WRN: variants seen among roughly 807,000 people sequenced by gnomAD.
WRN encodes WRN RecQ like helicase.
WRN carries 149 observed loss-of-function variants against 180.7 expected under a neutral mutation model. The ratio of observed to expected loss-of-function variants is 0.82; its 90% CI spans 0.72 to 0.94. The LOEUF (loss-of-function observed/expected upper bound fraction) is 0.94. Ranked by LOEUF, WRN falls within the 40% of genes least tolerant of loss-of-function variation. The pLI is 0.00. For missense variants in WRN, 1,661 were observed against 1,700.1 expected (o/e 0.98, Z 0.40); for synonymous variants, 548 against 568.9 (o/e 0.96, Z 0.52).
At chr8:31,124,455 G>C (rs3087417) in intron 21 of WRN, 67 bp from the exon 22 acceptor site, 3 of 1,188,382 alleles carry the variant, frequency 2.5e-6, no homozygotes, top group East Asian at 5.0e-5. Context: ...TAAAAAATAA[G>C]TAAAAAAAAA....
chr8:31,131,283 G>C (rs954765618), intron 23 of WRN, among the ~76,000 whole-genome samples: 1 of 151,620 alleles, frequency 6.6e-6, no homozygotes, highest in Non-Finnish European at 1.5e-5. Context: ...AGCCTTCTGA[G>C]TAGCTGGGAT....
At chr8:31,043,602 T>C (rs1429612048) in intron 1 of WRN, among the ~76,000 whole-genome samples, 6 of 152,220 alleles carry the variant, frequency 3.9e-5, no homozygotes, top group South Asian at 4.1e-4. Context: ...TTGACTTTAC[T>C]AAAACCATGA....
chr8:31,097,560 TTTTGTACTTAAA>T (rs1239710585), intron 17 of WRN, among the ~76,000 whole-genome samples: 2 of 152,206 alleles, frequency 1.3e-5, no homozygotes, highest in Non-Finnish European at 2.9e-5. Context: ...ATAGCACTTT[TTTTGTACTTAAA>T]AATATTTTAA....
chr8:31,053,932 GTTTC>G (rs1221536913), intron 1 of WRN, among the ~76,000 whole-genome samples: 4 of 152,080 alleles, frequency 2.6e-5, no homozygotes, highest in Non-Finnish European at 4.4e-5. Flanking sequence ...AAATTAACAT[GTTTC>G]TTAATTAAAG....
chr8:31,049,836 C>G (rs193186721), intron 1 of WRN, among the ~76,000 whole-genome samples: 2 of 152,136 alleles, frequency 1.3e-5, no homozygotes, highest in Admixed American at 1.3e-4. Flanking sequence ...ATCATTCCAA[C>G]TCATGTGTAA....
chr8:31,161,801 T>C (rs1465120070), intron 33 of WRN, among the ~76,000 whole-genome samples: 2 of 130,326 alleles, frequency 1.5e-5, no homozygotes, highest in African/African-American at 2.9e-5. Flanking sequence ...ATTGTGCCAC[T>C]GCACTTCAGC....
chr8:31,131,960 T>C (rs77957700), intron 23 of WRN, among the ~76,000 whole-genome samples: 2 of 24,082 alleles, frequency 8.3e-5, no homozygotes, highest in African/African-American at 7.4e-4. Flanking sequence ...CTGAAAGGCT[T>C]TTTTTTTTTT....
At chr8:31,113,820 C>T (rs897284314) in intron 19 of WRN, among the ~76,000 whole-genome samples, 1 of 146,826 alleles carries the variant, frequency 6.8e-6, no homozygotes, top group Non-Finnish European at 1.5e-5. Flanking sequence ...ATAATTTCCC[C>T]AACAGATACC....
chr8:31,086,164 A>G (rs967363197), intron 11 of WRN, among the ~76,000 whole-genome samples: 1 of 151,170 alleles, frequency 6.6e-6, no homozygotes, highest in Non-Finnish European at 1.5e-5. Context: ...GTTCCCCATT[A>G]TGCATTTTTT....
rs186437626 is a variant in WRN at position 31,069,012 on chromosome 8, T to C, written c.724+685T>C. 3.3e-5 allele frequency among the ~76,000 whole-genome samples: 5 copies of C among 152,336 alleles called. No individual in the cohort carries two copies. The East Asian group carries it at 9.7e-4, about 29-fold the overall frequency. On this transcript the variant is annotated intron_variant, in intron 7 of 34. Coordinates refer to ENST00000298139, the MANE Select transcript of WRN (RefSeq NM_000553.6). Reference sequence around the variant, plus strand: ...TGTACCTGTTTCTCCAAACATGGAATGTAGATACTAGCATAATGTCCGTTT... The same window carrying C: ...TGTACCTGTTTCTCCAAACATGGAACGTAGATACTAGCATAATGTCCGTTT...
intron 24 of WRN, among the ~76,000 whole-genome samples, chr8:31,133,236 C>A (rs1802255704): frequency 6.6e-6 from 1 of 152,090 alleles, no homozygotes; most frequent in African/African-American, 2.4e-5. Flanking sequence ...CTGATAATGG[C>A]TGAATAAATC....
At chr8:31,132,022 C>CAAG (rs1242524378) in intron 23 of WRN, among the ~76,000 whole-genome samples, 1 of 137,836 alleles carries the variant, frequency 7.3e-6, no homozygotes, top group Non-Finnish European at 1.5e-5. Context: ...TATAATTGGT[C>CAAG]AAGTAAGTGG....
At chr8:31,134,404 T>C (rs1477730397) in intron 24 of WRN, among the ~76,000 whole-genome samples, 2 of 152,298 alleles carry the variant, frequency 1.3e-5, no homozygotes, top group East Asian at 1.9e-4. Flanking sequence ...TTCTGAATAG[T>C]ATAAACAGTT....
chr8:31,116,145 G>A (rs1236319690), intron 19 of WRN, among the ~76,000 whole-genome samples: 1 of 150,576 alleles, frequency 6.6e-6, no homozygotes, highest in South Asian at 2.1e-4. Context: ...CTGAGTTTTG[G>A]GGACTTCACA....
At chr8:31,087,733 A>G (rs1330321691) in intron 11 of WRN, 43 bp from the exon 12 acceptor site, 2 of 1,588,036 alleles carry the variant, frequency 1.3e-6, no homozygotes, top group Non-Finnish European at 1.7e-6. Flanking sequence ...AAGATACGAC[A>G]CTGTCAGTGG....
Position 31,081,074 on chromosome 8 carries a change from A to G in WRN, c.1047A>G (p.Pro349=). Residue 349 remains proline (P), a synonymous_variant, in exon 9 of 35, where the codon CCA becomes CCG. Transcript: ENST00000298139. The part of the protein sequence containing the change: ...LIHVEDETWD[P]TLDHLAKHDG... ...ACGTTGAAGATGAAACATGGGACCCAACACTTGATCATTTAGCTAAACATG... is the reference window on the plus strand; with the variant it reads ...ACGTTGAAGATGAAACATGGGACCCGACACTTGATCATTTAGCTAAACATG... 1 of 1,614,084 alleles carries G rather than the reference A, an allele frequency of 6.2e-7. No homozygotes were observed. Among genetic ancestry groups the G allele is most frequent in the Non-Finnish European group, 8.5e-7 (1 of 1,179,984 alleles).
rs150148567 is a variant in WRN at position 31,090,529 on chromosome 8, A to G, written c.1717A>G (p.Thr573Ala). 3,676 of 1,612,084 alleles carry G rather than the reference A, an allele frequency of 2.3e-3. 4 individuals carry two copies. Among genetic ancestry groups the G allele is most frequent in the Non-Finnish European group, 2.7e-3 (3,221 of 1,178,630 alleles). Residue 573 changes from threonine (T) to alanine (A), a missense_variant, in exon 14 of 35, where the codon ACT becomes GCT. By Grantham distance (58) the Thr-to-Ala change is moderately conservative. This residue lies in a region of WRN where 1,141 missense variants were observed against 1,149.4 expected (regional missense o/e 0.99). Coordinates refer to ENST00000298139, the MANE Select transcript of WRN (RefSeq NM_000553.6). ...AAGAGATAATGTTGCTGTCATGGCA[A>G]CTGGTAAGTTGTACTTAAGCAAAAC... ...ERRDNVAVMATGYGKSLCFQY... is the reference protein window; with the variant it reads ...ERRDNVAVMAAGYGKSLCFQY...
intron 1 of WRN, among the ~76,000 whole-genome samples, chr8:31,035,435 G>A (rs1406451447): frequency 1.3e-5 from 2 of 152,114 alleles, no homozygotes; most frequent in Non-Finnish European, 2.9e-5. Flanking sequence ...CAAAGGCCCT[G>A]GGGGAACCTG....
rs1171624310 is a variant in WRN at position 31,154,638 on chromosome 8, A to G, written c.3702A>G (p.Ser1234=). The change falls in exon 32 of 35, where the codon TCA becomes TCG. Residue 1234 remains serine, a synonymous_variant. Transcript: ENST00000298139. ...QTNSVQTDLF[S]STKPQEEQKT... ...AAATTCTGTAGACAGACCTCTTTTCAAGTACAAAACCTCAAGAAGAACAGA... is the reference window on the plus strand; with the variant it reads ...AAATTCTGTAGACAGACCTCTTTTCGAGTACAAAACCTCAAGAAGAACAGA... The G allele has an allele frequency of 6.2e-7, 1 of 1,612,990 alleles. No individual in the cohort carries two copies. Among genetic ancestry groups the G allele is most frequent in the Non-Finnish European group, 8.5e-7 (1 of 1,179,318 alleles).
Sources: allele counts gnomAD v4.1 joint callset (sites outside exome capture counted in the v4.1 genomes callset), GRCh38; gene constraint gnomAD v4.1.1; regional missense constraint gnomAD v4.1.1; transcripts MANE v1.5; gene names NCBI Gene and HGNC (gene_info 2026-07-23, HGNC 2026-07-21).